SGPL1: variants seen among roughly 807,000 people sequenced by gnomAD.
The protein encoded by SGPL1 is SP-lyase 1.
Under a neutral mutation model 68.9 loss-of-function variants are expected in SGPL1, and 37 were observed. The observed-to-expected ratio is 0.54, with a 90% CI of 0.41 to 0.71. The LOEUF is 0.71. SGPL1 is among the 30% of genes least tolerant of loss of function. SGPL1 has a pLI of 0.00. For synonymous variants in SGPL1, 236 were observed against 248.5 expected, an observed-to-expected ratio of 0.95 and a Z score of 0.47; for missense variants, 551 against 704.6, an observed-to-expected ratio of 0.78 and a Z score of 2.47.
At chr10:70,834,191 C>T (rs1478585580) in intron 2 of SGPL1, among the ~76,000 whole-genome samples, 3 of 152,142 alleles carry the variant, frequency 2.0e-5, no homozygotes, top group Non-Finnish European at 2.9e-5. Flanking sequence ...CTGTCAGAAT[C>T]ACCGGAGGGA....
At chr10:70,854,170 CT>C (rs542755242) in intron 4 of SGPL1, among the ~76,000 whole-genome samples, 3,398 of 138,538 alleles carry the variant, frequency 0.025, 90 homozygotes, top group African/African-American at 0.073. Flanking sequence ...TTGGGTGCAA[CT>C]TTTTTTTTTT....
chr10:70,842,677 T>C (rs557649656), intron 2 of SGPL1, among the ~76,000 whole-genome samples: 18 of 152,208 alleles, frequency 1.2e-4, no homozygotes, highest in African/African-American at 4.1e-4. Context: ...CAAGAACTCA[T>C]TCATGAAAGA....
rs998099755 is a variant in SGPL1 at position 70,880,623 on chromosome 10, A to G, written c.*3288A>G. ...ATGTAACTGCTGGAGATCTTATTCTATTATGAATAAGAAACGAGAAGTTTT... is the reference window on the plus strand; with the variant it reads ...ATGTAACTGCTGGAGATCTTATTCTGTTATGAATAAGAAACGAGAAGTTTT... On this transcript the variant is annotated 3_prime_UTR_variant, in exon 15 of 15. Transcript: ENST00000373202. 2 of 152,224 alleles carry G rather than the reference A, an allele frequency of 1.3e-5. No individual in the cohort carries two copies. Among genetic ancestry groups the G allele is most frequent in the Non-Finnish European group, 2.9e-5 (2 of 68,040 alleles). The allele number at this position is 152,224 out of a possible 1,614,324, so 9.4% of individuals were successfully genotyped here.
chr10:70,879,090 G>A lies in SGPL1; in HGVS notation c.*1755G>A, dbSNP rs1846452194. Reference sequence around the variant, plus strand: ...GCTACTCCTGGCCCAGGCCCTAGGGGAAATGGATCAGTCTTTGAGGTTTCT... The same window carrying A: ...GCTACTCCTGGCCCAGGCCCTAGGGAAAATGGATCAGTCTTTGAGGTTTCT... On this transcript the variant is annotated 3_prime_UTR_variant, in exon 15 of 15. Transcript: ENST00000373202. 1 of 152,970 alleles carries A rather than the reference G, an allele frequency of 6.5e-6. No homozygotes were observed. The highest frequency in any genetic ancestry group is 2.1e-4 in the South Asian group (1 of 4,832). The allele number at this position is 152,970 out of a possible 1,614,324, so 9.5% of individuals were successfully genotyped here.
At chr10:70,864,030 G>T (rs1201089909) in intron 7 of SGPL1, among the ~76,000 whole-genome samples, 1 of 151,762 alleles carries the variant, frequency 6.6e-6, no homozygotes, top group Non-Finnish European at 1.5e-5. Flanking sequence ...TTGTTTGGGG[G>T]TTTAGCAAGT....
intron 5 of SGPL1, among the ~76,000 whole-genome samples, chr10:70,855,884 A>G (rs1845955393): frequency 6.6e-6 from 1 of 152,050 alleles, no homozygotes; most frequent in African/African-American, 2.4e-5. Context: ...TACAAATTCT[A>G]TTTCTAGTTC....
chr10:70,818,461 G>C (rs1337842184), intron 2 of SGPL1, among the ~76,000 whole-genome samples: 3 of 152,192 alleles, frequency 2.0e-5, no homozygotes, highest in Non-Finnish European at 2.9e-5. Context: ...ACTTCTCTGA[G>C]TGCAAAATCA....
At position 70,873,604 on chromosome 10, in the gene SGPL1, C is replaced by T; in HGVS notation, c.1298+15C>T. The stretch of plus-strand genomic sequence containing the variant: ...CTCAAGTCAGAGTATGTGTGGAAGA[C>T]TGGGGTTCTGCCTTGTCTATTGCTT... On this transcript the variant is annotated intron_variant, in intron 12 of 14. Transcript: ENST00000373202. 1 of 1,577,480 alleles carries T rather than the reference C, an allele frequency of 6.3e-7. No homozygotes were observed. The highest frequency in any genetic ancestry group is 1.3e-5 in the African/African-American group (1 of 74,346).
At chr10:70,832,031 C>T (rs1201354975) in intron 2 of SGPL1, among the ~76,000 whole-genome samples, 1 of 152,120 alleles carries the variant, frequency 6.6e-6, no homozygotes, top group African/African-American at 2.4e-5. Context: ...ATAACAAGGG[C>T]TATGGGGGTT....
At chr10:70,870,445 C>T (rs546106096) in intron 9 of SGPL1, among the ~76,000 whole-genome samples, 45 of 151,288 alleles carry the variant, frequency 3.0e-4, no homozygotes, top group African/African-American at 1.1e-3. Flanking sequence ...GAGGTTGATG[C>T]TGCAGTGAGC....
At chr10:70,846,901 T>C (rs995975811) in intron 3 of SGPL1, among the ~76,000 whole-genome samples, 6 of 151,770 alleles carry the variant, frequency 4.0e-5, no homozygotes, top group African/African-American at 1.4e-4. Flanking sequence ...TCTTTTTTTG[T>C]GGTTAGGTAT....
chr10:70,858,438 C>G (rs994870614), intron 6 of SGPL1, among the ~76,000 whole-genome samples: 95 of 152,148 alleles, frequency 6.2e-4, no homozygotes, highest in African/African-American at 2.2e-3. Flanking sequence ...GCACTCGGCC[C>G]TCATATTTAT....
In SGPL1 at chr10:70,816,879, T is replaced by C. The variant is rs138122500; in HGVS notation, c.26T>C (p.Leu9Ser). 1.9e-6 allele frequency: 3 copies of C among 1,614,030 alleles called. No homozygotes were observed. The highest frequency in any genetic ancestry group is 2.7e-5 in the African/African-American group (2 of 74,934). The change falls in exon 2 of 15, where the codon TTG becomes TCG. Residue 9 changes from leucine to serine, a missense_variant and splice_region_variant. Physicochemically the swap from Leu to Ser is moderately radical, Grantham distance 145. Coordinates refer to ENST00000373202, the MANE Select transcript of SGPL1 (RefSeq NM_003901.4). MPSTDLLM[L>S]KAFEPYLEIL... ...ATGCCTAGCACAGACCTTCTGATGTTGGTGAGCCTTTTGCAGACATCCTCC... is the reference window on the plus strand; with the variant it reads ...ATGCCTAGCACAGACCTTCTGATGTCGGTGAGCCTTTTGCAGACATCCTCC...
chr10:70,831,230 A>G (rs1425232095), intron 2 of SGPL1, among the ~76,000 whole-genome samples: 1 of 152,088 alleles, frequency 6.6e-6, no homozygotes, highest in Admixed American at 6.5e-5. Context: ...CTCTCACACC[A>G]CAACAATCAA....
chr10:70,848,566 G>A (rs1444163607), intron 3 of SGPL1, among the ~76,000 whole-genome samples: 1 of 141,006 alleles, frequency 7.1e-6, no homozygotes, highest in Non-Finnish European at 1.5e-5. Context: ...CTGGGTTCAA[G>A]CGATTCACTT....
intron 2 of SGPL1, among the ~76,000 whole-genome samples, chr10:70,825,219 G>C (rs1266801054): frequency 6.6e-6 from 1 of 152,118 alleles, no homozygotes; most frequent in South Asian, 2.1e-4. Flanking sequence ...AGTAGGAAAG[G>C]CATCAAGGGG....
chr10:70,850,390 A>G (rs1845860703), intron 3 of SGPL1, among the ~76,000 whole-genome samples: 1 of 152,182 alleles, frequency 6.6e-6, no homozygotes, highest in South Asian at 2.1e-4. Context: ...CTGGACATAG[A>G]TCCAAGAAAA....
intron 2 of SGPL1, among the ~76,000 whole-genome samples, chr10:70,835,572 T>TA (rs1175435737): frequency 4.6e-5 from 7 of 151,798 alleles, no homozygotes; most frequent in African/African-American, 1.7e-4. Context: ...CTGTCTCTAC[T>TA]AAAAATACAA....
chr10:70,869,822 T>A lies in SGPL1; in HGVS notation c.735T>A (p.Phe245Leu). ...CTCCCCAAAGTGCCCATGCTGCATT[T>A]AACAAAGCAGCCAGTTACTTTGGGA... ...IVAPQSAHAA[F>L]NKAASYFGMK... The change falls in exon 9 of 15, where the codon TTT (phenylalanine) becomes TTA (leucine). Residue 245 changes from phenylalanine to leucine, a missense_variant. Coordinates refer to ENST00000373202, the MANE Select transcript of SGPL1 (RefSeq NM_003901.4). 4.3e-6 allele frequency: 7 copies of A among 1,614,090 alleles called. No homozygotes were observed. Among genetic ancestry groups the A allele is most frequent in the Non-Finnish European group, 5.1e-6 (6 of 1,179,980 alleles).
Sources: gnomAD v4.1 joint callset for allele counts (sites outside exome capture counted in the v4.1 genomes callset) on GRCh38, gnomAD v4.1.1 for gene constraint, MANE v1.5 for transcripts, NCBI Gene and HGNC (gene_info 2026-07-23, HGNC 2026-07-21) for gene names.